Variants in CDH12 observed in about 807,000 individuals in gnomAD.
The protein encoded by CDH12 is cadherin-12.
A neutral mutation model predicts 74.1 loss-of-function variants in CDH12; 41 were observed. The ratio of observed to expected loss-of-function variants is 0.55; its 90% CI spans 0.43 to 0.72. The LOEUF is 0.72. Ranked by LOEUF, CDH12 falls within the 30% of genes least tolerant of loss-of-function variation. CDH12 has a pLI of 0.00. For missense variants in CDH12, 945 were observed against 977.2 expected, an observed-to-expected ratio of 0.97 and a Z score of 0.44; for synonymous variants, 399 against 355.0, an observed-to-expected ratio of 1.12 and a Z score of -1.39.
intron 6 of CDH12, among the ~76,000 whole-genome samples, chr5:21,906,239 G>A (rs1753637252): frequency 6.6e-6 from 1 of 152,116 alleles, no homozygotes; most frequent in South Asian, 2.1e-4. Context: ...AGACAGGTCA[G>A]GGGTTTTCAT....
In CDH12 at chr5:22,552,314, A is replaced by G. The variant is rs551980080; in HGVS notation, c.-522-46950T>C. ...AAAAACGAAAACAAACAAACATATC[A>G]TCATGCCTTAAATTTCTAAGCATTA... On this transcript the variant is annotated intron_variant, in intron 1 of 14. Coordinates refer to ENST00000382254, the MANE Select transcript of CDH12 (RefSeq NM_004061.5). 3.9e-5 allele frequency among the ~76,000 whole-genome samples: 6 copies of G among 152,234 alleles called. No homozygotes were observed. The South Asian group carries it at 1.2e-3, about 32-fold the overall frequency.
chr5:21,861,778 C>T (rs1282013098), intron 6 of CDH12, among the ~76,000 whole-genome samples: 2 of 152,096 alleles, frequency 1.3e-5, no homozygotes, highest in Non-Finnish European at 2.9e-5. Context: ...AGAAATTGTA[C>T]TTCTTTACAT....
At chr5:22,819,912 AATAT>A (rs1749585019) in intron 1 of CDH12, among the ~76,000 whole-genome samples, 1 of 148,154 alleles carries the variant, frequency 6.7e-6, no homozygotes, top group Non-Finnish European at 1.5e-5. Flanking sequence ...TAGATATTTA[AATAT>A]ATATTTATAT....
chr5:21,776,751 C>G (rs1745612163), intron 11 of CDH12, among the ~76,000 whole-genome samples: 1 of 152,180 alleles, frequency 6.6e-6, no homozygotes, highest in South Asian at 2.1e-4. Flanking sequence ...ACACCCTGCC[C>G]TGATTTTGAA....
chr5:22,709,636 C>A (rs1276235311), intron 1 of CDH12, among the ~76,000 whole-genome samples: 1 of 152,108 alleles, frequency 6.6e-6, no homozygotes, highest in Non-Finnish European at 1.5e-5. Context: ...TTCAAATAAT[C>A]AACGTACAGA....
chr5:22,568,674 T>A (rs1044078472), intron 1 of CDH12, among the ~76,000 whole-genome samples: 1 of 152,228 alleles, frequency 6.6e-6, no homozygotes, highest in Non-Finnish European at 1.5e-5. Flanking sequence ...AAATAATAAA[T>A]ACAGGCACAG....
At chr5:22,075,111 C>T (rs1288757475) in intron 5 of CDH12, among the ~76,000 whole-genome samples, 1 of 151,906 alleles carries the variant, frequency 6.6e-6, no homozygotes, top group Non-Finnish European at 1.5e-5. Context: ...ACATATACAC[C>T]ATGGAATTCT....
At chr5:22,432,977 C>T (rs1744235589) in intron 2 of CDH12, among the ~76,000 whole-genome samples, 2 of 152,046 alleles carry the variant, frequency 1.3e-5, no homozygotes, top group Non-Finnish European at 2.9e-5. Context: ...GGCACAAATT[C>T]ATACATGTAT....
At chr5:22,303,205 G>C (rs1737965093) in intron 3 of CDH12, among the ~76,000 whole-genome samples, 1 of 152,018 alleles carries the variant, frequency 6.6e-6, no homozygotes, top group Non-Finnish European at 1.5e-5. Flanking sequence ...TGTTTTAAAA[G>C]ACTCTTCAGA....
intron 1 of CDH12, among the ~76,000 whole-genome samples, chr5:22,563,028 G>C (rs1739133522): frequency 6.9e-6 from 1 of 145,874 alleles, no homozygotes; most frequent in Non-Finnish European, 1.5e-5. Flanking sequence ...ATATTTAAAT[G>C]CATAAATTTA....
Position 22,078,628 on chromosome 5 carries a change from C to T in CDH12, c.49G>A (p.Gly17Arg), listed in dbSNP as rs768928463. Residue 17 changes from glycine to arginine, a missense_variant, in exon 5 of 15, where the codon GGA (glycine) becomes AGA (arginine). By Grantham distance (125) the Gly-to-Arg change is moderately radical. This residue lies in a region of CDH12 where 148 missense variants were observed against 162.8 expected (regional missense o/e 0.91). Coordinates refer to ENST00000382254, the MANE Select transcript of CDH12 (RefSeq NM_004061.5). ...GGTTGTAGTGGTGTTAGGAGACCTC[C>T]ATCAAACAGAACCCAGAGAAGCAGG... Reference protein sequence around the residue: ...LSLLLWVLFDGGLLTPLQPQP... With the variant: ...LSLLLWVLFDRGLLTPLQPQP... The T allele has an allele frequency of 1.9e-6, 3 of 1,613,832 alleles. No homozygotes were observed. The highest frequency in any genetic ancestry group is 4.5e-5 in the East Asian group (2 of 44,858).
intron 1 of CDH12, among the ~76,000 whole-genome samples, chr5:22,785,437 T>A (rs1747574858): frequency 6.6e-6 from 1 of 152,150 alleles, no homozygotes; most frequent in Admixed American, 6.6e-5. Flanking sequence ...TTTTCTGACA[T>A]TTAGATTAAC....
intron 4 of CDH12, among the ~76,000 whole-genome samples, chr5:22,106,821 A>C (rs552148003): frequency 9.2e-5 from 14 of 152,356 alleles, no homozygotes; most frequent in Non-Finnish European, 1.5e-4. Context: ...TATGCCATCC[A>C]ACAGTTTTAC....
At chr5:21,955,086 C>A (rs1306400300) in intron 6 of CDH12, among the ~76,000 whole-genome samples, 1 of 151,902 alleles carries the variant, frequency 6.6e-6, no homozygotes, top group Non-Finnish European at 1.5e-5. Context: ...AACTGACTTC[C>A]TATCATTTTC....
intron 4 of CDH12, among the ~76,000 whole-genome samples, chr5:22,190,557 C>A (rs1384026149): frequency 6.6e-6 from 1 of 152,084 alleles, no homozygotes; most frequent in East Asian, 1.9e-4. Context: ...GAAGTTGACC[C>A]CTCTCCCTTC....
intron 3 of CDH12, among the ~76,000 whole-genome samples, chr5:22,227,037 T>C (rs1008111909): frequency 9.2e-5 from 14 of 152,146 alleles, no homozygotes; most frequent in African/African-American, 3.4e-4. Context: ...GTTTCAGCAA[T>C]ACCACGTGTA....
Position 22,493,823 on chromosome 5 carries a change from C to G in CDH12, c.-428+11447G>C, listed in dbSNP as rs145907495. Reference sequence around the variant, plus strand: ...CAGGGCCTTAGATGAGACCATGGGACCTGGAAACAAGCCTGCAATGTAATG... The same window carrying G: ...CAGGGCCTTAGATGAGACCATGGGAGCTGGAAACAAGCCTGCAATGTAATG... On this transcript the variant is annotated intron_variant, in intron 2 of 14. Coordinates refer to ENST00000382254, the MANE Select transcript of CDH12 (RefSeq NM_004061.5). Among the ~76,000 whole-genome samples, 265 of 152,094 alleles carry G rather than the reference C, an allele frequency of 1.7e-3. 1 individual carries two copies. The highest frequency in any genetic ancestry group is 1.2e-3 in the Non-Finnish European group (84 of 68,002).
intron 1 of CDH12, among the ~76,000 whole-genome samples, chr5:22,646,460 A>G (rs1739436832): frequency 6.6e-6 from 1 of 151,894 alleles, no homozygotes; most frequent in Non-Finnish European, 1.5e-5. Context: ...ATCCTCTGAC[A>G]ATGTAACTAA....
At position 22,470,932 on chromosome 5, in the gene CDH12, G is replaced by A. The variant is rs540685413; in HGVS notation, c.-428+34338C>T. 1.7e-4 allele frequency among the ~76,000 whole-genome samples: 25 copies of A among 150,764 alleles called. No homozygotes were observed. In the East Asian group the frequency reaches 4.9e-3, roughly 30 times the overall value. On this transcript the variant is annotated intron_variant, in intron 2 of 14. Coordinates refer to ENST00000382254, the MANE Select transcript of CDH12 (RefSeq NM_004061.5). ...ATCTGAAAAACTAAATTTGTGTGGA[G>A]AAAAACAATGATCATGGTGAATATT...
Sources: allele counts gnomAD v4.1 joint callset (sites outside exome capture counted in the v4.1 genomes callset), GRCh38; gene constraint gnomAD v4.1.1; regional missense constraint gnomAD v4.1.1; transcripts MANE v1.5; gene names NCBI Gene and HGNC (gene_info 2026-07-23, HGNC 2026-07-21).